The following EYS variants were observed in gnomAD, a reference collection of about 807,000 sequenced individuals.
EYS encodes protein eyes shut homolog.
Under a neutral mutation model 282.1 loss-of-function variants are expected in EYS, and 250 were observed. The ratio of observed to expected loss-of-function variants is 0.89; its 90% CI spans 0.80 to 0.98. The LOEUF is 0.98. EYS is among the 50% of genes least tolerant of loss of function. The probability of loss-of-function intolerance (pLI) is 0.00; values close to 1 mark genes in which losing one functional copy is unlikely to be tolerated. For missense variants in EYS, 4,016 were observed against 3,709.0 expected (o/e 1.08, Z -2.15); for synonymous variants, 1,355 against 1,282.9 (o/e 1.06, Z -1.20).
intron 33 of EYS, among the ~76,000 whole-genome samples, chr6:64,010,703 T>C (rs1768577467): frequency 6.6e-6 from 1 of 152,298 alleles, no homozygotes; most frequent in South Asian, 2.1e-4. Flanking sequence ...TGTGTTCTTC[T>C]GCTGTGCCCA....
At chr6:64,666,821 T>C (rs1769246059) in intron 22 of EYS, among the ~76,000 whole-genome samples, 1 of 152,224 alleles carries the variant, frequency 6.6e-6, no homozygotes, top group East Asian at 1.9e-4. Context: ...TGATTCCATA[T>C]ATTTAATGGG....
At chr6:64,528,169 C>T (rs569694805) in intron 26 of EYS, among the ~76,000 whole-genome samples, 3 of 151,948 alleles carry the variant, frequency 2.0e-5, no homozygotes, top group Admixed American at 6.6e-5. Flanking sequence ...AAATTGATTG[C>T]GGTATATTTC....
intron 12 of EYS, among the ~76,000 whole-genome samples, chr6:65,175,497 A>T (rs914259936): frequency 2.0e-5 from 3 of 151,370 alleles, no homozygotes; most frequent in African/African-American, 7.3e-5. Context: ...TACTGGAATA[A>T]GTGGTGCTCT....
chr6:64,759,784 TCA>T (rs1773098196), intron 22 of EYS, among the ~76,000 whole-genome samples: 1 of 152,122 alleles, frequency 6.6e-6, no homozygotes, highest in African/African-American at 2.4e-5. Context: ...AGTAAAACCT[TCA>T]AAAAATTTTG....
intron 12 of EYS, among the ~76,000 whole-genome samples, chr6:65,282,391 C>A (rs1463468850): frequency 6.6e-6 from 1 of 151,858 alleles, no homozygotes; most frequent in Non-Finnish European, 1.5e-5. Context: ...TAACAATATA[C>A]TGAATAACAA....
chr6:65,437,763 A>G (rs1369257040), intron 5 of EYS, among the ~76,000 whole-genome samples: 1 of 152,128 alleles, frequency 6.6e-6, no homozygotes, highest in Non-Finnish European at 1.5e-5. Flanking sequence ...TCCTTTATGC[A>G]AACGTTTGAT....
chr6:64,110,866 C>T (rs944815206), intron 31 of EYS, among the ~76,000 whole-genome samples: 1 of 151,874 alleles, frequency 6.6e-6, no homozygotes, highest in Admixed American at 6.6e-5. Flanking sequence ...GAAGAAAGAA[C>T]CCTCAGTTGT....
At chr6:64,341,341 G>T (rs938780050) in intron 29 of EYS, among the ~76,000 whole-genome samples, 1 of 151,738 alleles carries the variant, frequency 6.6e-6, no homozygotes, top group Non-Finnish European at 1.5e-5. Flanking sequence ...TGTACATATA[G>T]ACCATGGAAT....
intron 35 of EYS, among the ~76,000 whole-genome samples, chr6:63,895,040 C>G (rs891895702): frequency 2.0e-5 from 3 of 151,878 alleles, no homozygotes; most frequent in African/African-American, 7.3e-5. Context: ...TCTAGATGCA[C>G]CTAAGTCAAG....
At chr6:64,969,575 A>G (rs1410367840) in intron 14 of EYS, among the ~76,000 whole-genome samples, 1 of 152,118 alleles carries the variant, frequency 6.6e-6, no homozygotes, top group African/African-American at 2.4e-5. Context: ...ACTTCTAAGG[A>G]CAGTAGAGCC....
At chr6:65,036,709 A>G (rs1012534651) in intron 13 of EYS, among the ~76,000 whole-genome samples, 8 of 151,926 alleles carry the variant, frequency 5.3e-5, no homozygotes, top group Non-Finnish European at 7.4e-5. Flanking sequence ...ATCTATAAAA[A>G]AAAGTTCATC....
chr6:64,259,955 T>A (rs552929310), intron 30 of EYS, among the ~76,000 whole-genome samples: 1 of 152,008 alleles, frequency 6.6e-6, no homozygotes, highest in African/African-American at 2.4e-5. Context: ...TATTCTCTGA[T>A]TTTTTTTCCT....
chr6:64,449,808 A>T (rs1775256912), intron 26 of EYS, among the ~76,000 whole-genome samples: 1 of 152,210 alleles, frequency 6.6e-6, no homozygotes, highest in Non-Finnish European at 1.5e-5. Flanking sequence ...GCAAATGCTG[A>T]GGGATTTTGT....
intron 22 of EYS, among the ~76,000 whole-genome samples, chr6:64,780,895 G>T (rs1773837775): frequency 6.6e-6 from 1 of 152,176 alleles, no homozygotes; most frequent in South Asian, 2.1e-4. Context: ...GCAAAGGAAT[G>T]AATGTGTATA....
At chr6:65,691,392 G>A (rs776763396) in intron 1 of EYS, among the ~76,000 whole-genome samples, 1 of 150,240 alleles carries the variant, frequency 6.7e-6, no homozygotes, top group Admixed American at 6.7e-5. Flanking sequence ...TTTGAGAAGT[G>A]TCTGTTCATA....
At chr6:64,555,854 A>G (rs1416810278) in intron 26 of EYS, among the ~76,000 whole-genome samples, 1 of 151,994 alleles carries the variant, frequency 6.6e-6, no homozygotes, top group Non-Finnish European at 1.5e-5. Context: ...AAAATACTGT[A>G]CACACCACAA....
At chr6:65,682,089 C>A (rs568327982) in intron 1 of EYS, among the ~76,000 whole-genome samples, 2 of 152,060 alleles carry the variant, frequency 1.3e-5, no homozygotes, top group African/African-American at 2.4e-5. Flanking sequence ...TCCCCTACTG[C>A]AATAGTCTTA....
At chr6:64,741,950 C>G (rs747960846) in intron 22 of EYS, among the ~76,000 whole-genome samples, 1 of 152,286 alleles carries the variant, frequency 6.6e-6, no homozygotes, top group African/African-American at 2.4e-5. Flanking sequence ...TACACGTTCA[C>G]TGGAGAACCA....
Position 64,066,439 on chromosome 6 carries a change from T to C in EYS, c.6624A>G (p.Gly2208=). Residue 2208 remains glycine, a synonymous_variant, in exon 33 of 43, where the codon GGA becomes GGG. Transcript: ENST00000503581. ...KQFLHLFLVE[G]RPSVKYGCGN... ...CACACCCATATTTAACTGATGGCCTTCCTTCCACAAGAAATAAATGAAGAA... is the reference window on the plus strand; with the variant it reads ...CACACCCATATTTAACTGATGGCCTCCCTTCCACAAGAAATAAATGAAGAA... 6.5e-7 allele frequency: 1 copy of C among 1,549,376 alleles called. No individual in the cohort carries two copies.
Sources: allele counts gnomAD v4.1 joint callset (sites outside exome capture counted in the v4.1 genomes callset), GRCh38; gene constraint gnomAD v4.1.1; transcripts MANE v1.5; gene names NCBI Gene and HGNC (gene_info 2026-07-23, HGNC 2026-07-21).